The following GALNT17 variants were observed in gnomAD, a reference collection of about 807,000 sequenced individuals.
The protein encoded by GALNT17 is UDP-GalNAc:polypeptide N-acetylgalactosaminyltransferase-like 3.
In GALNT17, 29 loss-of-function variants were observed where a neutral mutation model predicts 63.7. That is an observed-to-expected ratio of 0.46 (90% CI 0.34 to 0.62). The LOEUF (loss-of-function observed/expected upper bound fraction) is 0.62. GALNT17 is among the 20% of genes least tolerant of loss of function. The probability of loss-of-function intolerance (pLI) is 0.01; values close to 1 mark genes in which losing one functional copy is unlikely to be tolerated. For missense variants in GALNT17, 603 were observed against 799.6 expected (o/e 0.75, Z 2.97); for synonymous variants, 305 against 318.3 (o/e 0.96, Z 0.45).
intron 1 of GALNT17, among the ~76,000 whole-genome samples, chr7:71,323,716 A>C (rs1381949316): frequency 6.6e-6 from 1 of 152,254 alleles, no homozygotes; most frequent in Admixed American, 6.5e-5. Flanking sequence ...CTGTATGCAC[A>C]GTAGAATATG....
chr7:71,320,408 GAA>G (rs35775246), intron 1 of GALNT17, among the ~76,000 whole-genome samples: 5,890 of 143,382 alleles, frequency 0.041, 282 homozygotes, highest in African/African-American at 0.12. Flanking sequence ...AGCTAATTTT[GAA>G]AAAAAAAAAA....
At chr7:71,395,912 C>T (rs376073900) in intron 3 of GALNT17, among the ~76,000 whole-genome samples, 18 of 152,218 alleles carry the variant, frequency 1.2e-4, no homozygotes, top group Admixed American at 6.5e-4. Flanking sequence ...AACATCTATT[C>T]AAGTACTTTG....
chr7:71,448,057 T>C (rs1255336146), intron 5 of GALNT17, among the ~76,000 whole-genome samples: 1 of 151,996 alleles, frequency 6.6e-6, no homozygotes. Context: ...AGTGCTTGTA[T>C]GTGTAAAAAT....
chr7:71,269,475 T>A (rs4717588), intron 1 of GALNT17, among the ~76,000 whole-genome samples: 74,331 of 151,792 alleles, frequency 0.49, 18,877 homozygotes, highest in Non-Finnish European at 0.54. Flanking sequence ...TATTAAAAAA[T>A]AAGCCTTTGC....
intron 2 of GALNT17, among the ~76,000 whole-genome samples, chr7:71,359,626 C>T (rs117839198): frequency 0.014 from 2,164 of 152,062 alleles, 27 homozygotes; most frequent in Middle Eastern, 0.027. Flanking sequence ...TGCTGTCACC[C>T]AGGCTGGAGT....
intron 1 of GALNT17, among the ~76,000 whole-genome samples, chr7:71,320,134 C>T (rs940668717): frequency 2.0e-5 from 3 of 152,276 alleles, no homozygotes; most frequent in African/African-American, 2.4e-5. Context: ...TGAGCAGATA[C>T]ATACTCTCTG....
chr7:71,636,867 G>T, intron 6 of GALNT17, among the ~76,000 whole-genome samples: 1 of 152,144 alleles, frequency 6.6e-6, no homozygotes, highest in South Asian at 2.1e-4. Context: ...ACAGTAAGAG[G>T]GTGTGGAAGT....
chr7:71,172,549 C>T (rs963025818), intron 1 of GALNT17, among the ~76,000 whole-genome samples: 12 of 151,778 alleles, frequency 7.9e-5, no homozygotes. Context: ...TTTTCTGTCT[C>T]TAATGTGATC....
intron 2 of GALNT17, among the ~76,000 whole-genome samples, chr7:71,381,208 G>A (rs1386716212): frequency 6.6e-6 from 1 of 151,914 alleles, no homozygotes; most frequent in African/African-American, 2.4e-5. Context: ...GTGGTCCGCT[G>A]CCTCTACCTC....
At chr7:71,317,828 C>T (rs750575468) in intron 1 of GALNT17, among the ~76,000 whole-genome samples, 6 of 152,150 alleles carry the variant, frequency 3.9e-5, no homozygotes, top group African/African-American at 1.4e-4. Flanking sequence ...ATTACTATAT[C>T]TGGGTCTGTT....
At chr7:71,600,305 A>T (rs1001771858) in intron 6 of GALNT17, among the ~76,000 whole-genome samples, 1 of 152,126 alleles carries the variant, frequency 6.6e-6, no homozygotes, top group South Asian at 2.1e-4. Context: ...ATAATAAAAA[A>T]AAAATAAGAA....
chr7:71,450,645 A>G (rs1210050993), intron 5 of GALNT17, among the ~76,000 whole-genome samples: 1 of 152,056 alleles, frequency 6.6e-6, no homozygotes, highest in Non-Finnish European at 1.5e-5. Flanking sequence ...CTGCACCCTT[A>G]AAAGAAACGC....
chr7:71,216,488 A>G (rs1383163039), intron 1 of GALNT17, among the ~76,000 whole-genome samples: 1 of 151,896 alleles, frequency 6.6e-6, no homozygotes, highest in African/African-American at 2.4e-5. Flanking sequence ...GGAGAGGGCA[A>G]GTATACCTCC....
At chr7:71,135,666 C>T (rs2116142681) in intron 1 of GALNT17, among the ~76,000 whole-genome samples, 1 of 152,354 alleles carries the variant, frequency 6.6e-6, no homozygotes, top group South Asian at 2.1e-4. Flanking sequence ...GAATTTGCCT[C>T]TCTAACAAAC....
chr7:71,471,679 C>A (rs1025120516), intron 5 of GALNT17, among the ~76,000 whole-genome samples: 3 of 152,136 alleles, frequency 2.0e-5, no homozygotes, highest in African/African-American at 7.2e-5. Context: ...AGTCTGAATT[C>A]TCAAGCTCAG....
intron 10 of GALNT17, among the ~76,000 whole-genome samples, chr7:71,711,788 CT>C (rs1179521832): frequency 6.6e-6 from 1 of 150,644 alleles, no homozygotes; most frequent in South Asian, 2.1e-4. Context: ...TCTCCTGTCT[CT>C]TTCTCTTCTG....
At chr7:71,659,790 C>T (rs1335773653) in intron 6 of GALNT17, among the ~76,000 whole-genome samples, 1 of 152,202 alleles carries the variant, frequency 6.6e-6, no homozygotes, top group Admixed American at 6.5e-5. Flanking sequence ...ACACCCTGCT[C>T]TCTCCTTCAC....
At chr7:71,573,625 C>T (rs1015143728) in intron 6 of GALNT17, among the ~76,000 whole-genome samples, 1 of 152,170 alleles carries the variant, frequency 6.6e-6, no homozygotes, top group Non-Finnish European at 1.5e-5. Flanking sequence ...TGAGCCACCA[C>T]ACCTGGCCTA....
At chr7:71,492,823 C>G (rs1245892457) in intron 5 of GALNT17, among the ~76,000 whole-genome samples, 1 of 152,116 alleles carries the variant, frequency 6.6e-6, no homozygotes, top group Non-Finnish European at 1.5e-5. Context: ...CTCATGGATC[C>G]TTGTCTTGAA....
Sources: gnomAD v4.1 joint callset for allele counts (sites outside exome capture counted in the v4.1 genomes callset) on GRCh38, gnomAD v4.1.1 for gene constraint, MANE v1.5 for transcripts, NCBI Gene and HGNC (gene_info 2026-07-23, HGNC 2026-07-21) for gene names.